IRAG1: variants seen among roughly 807,000 people sequenced by gnomAD.
IRAG1 encodes IP3R-associated cGMP kinase substrate.
A neutral mutation model predicts 106.2 loss-of-function variants in IRAG1; 62 were observed. The observed-to-expected ratio is 0.58, with a 90% CI of 0.48 to 0.72. The LOEUF is 0.72. Ranked by LOEUF, IRAG1 falls within the 30% of genes least tolerant of loss-of-function variation. IRAG1 has a pLI of 0.00. For missense variants in IRAG1, 1,064 were observed against 1,140.7 expected (o/e 0.93, Z 0.97); for synonymous variants, 462 against 443.9 (o/e 1.04, Z -0.51).
intron 4 of IRAG1, 130 bp from the exon 5 acceptor site, chr11:10,629,841 G>A (rs1856551905): frequency 2.2e-6 from 2 of 920,308 alleles, no homozygotes; most frequent in African/African-American, 1.7e-5. Context: ...TCAGCCCAGT[G>A]CCATCAAGAG....
chr11:10,688,996 G>A (rs1861864167), intron 1 of IRAG1, among the ~76,000 whole-genome samples: 2 of 152,178 alleles, frequency 1.3e-5, no homozygotes, highest in African/African-American at 4.8e-5. Flanking sequence ...ATGAGCGACT[G>A]CAGGTAAAGC....
intron 10 of IRAG1, among the ~76,000 whole-genome samples, chr11:10,622,233 G>A (rs1855886678): frequency 6.6e-6 from 1 of 152,192 alleles, no homozygotes; most frequent in Non-Finnish European, 1.5e-5. Context: ...CTAACCCACT[G>A]CTTTAAGGAA....
intron 3 of IRAG1, among the ~76,000 whole-genome samples, chr11:10,633,225 C>T (rs937400067): frequency 2.0e-5 from 3 of 151,956 alleles, no homozygotes; most frequent in African/African-American, 7.3e-5. Context: ...CAGGCGCCCG[C>T]CACCACACCC....
intron 13 of IRAG1, among the ~76,000 whole-genome samples, chr11:10,603,471 G>A (rs1488236501): frequency 1.3e-5 from 2 of 152,098 alleles, no homozygotes; most frequent in African/African-American, 4.8e-5. Flanking sequence ...TTTACAATAG[G>A]GTTCGTGACC....
intron 19 of IRAG1, among the ~76,000 whole-genome samples, chr11:10,581,618 G>A (rs1851404034): frequency 6.6e-6 from 1 of 151,890 alleles, no homozygotes; most frequent in South Asian, 2.1e-4. Context: ...CTGAGCGGTG[G>A]CATTCTGGTG....
intron 10 of IRAG1, among the ~76,000 whole-genome samples, chr11:10,621,582 G>A (rs1333186793): frequency 3.9e-5 from 6 of 152,138 alleles, no homozygotes; most frequent in African/African-American, 1.4e-4. Context: ...ATGTTGTGCA[G>A]CTTAAAAAAA....
Position 10,604,545 on chromosome 11 carries a change from T to C in IRAG1, c.1603A>G (p.Asn535Asp). 1 of 1,614,004 alleles carries C rather than the reference T, an allele frequency of 6.2e-7. No homozygotes were observed. ...APPLTEKEVE[N>D]VFVQLSLAFR... ...GCCAAGGACAGTTGCACAAACACGT[T>C]CTGTTGGGAACAAGGGTGTGAGAGA... Residue 535 changes from asparagine to aspartate, a missense_variant and splice_region_variant, in exon 13 of 21, where the codon AAC becomes GAC. Asn to Asp is a conservative substitution (Grantham distance 23). Transcript: ENST00000423302.
chr11:10,693,550 T>C lies in IRAG1; in HGVS notation c.53A>G (p.Asn18Ser). The part of the protein sequence containing the change: ...EERLARGGKE[N>S]NSVLACGAQA... ...GGGAGGCTTACCTAAAACTGAGTTA[T>C]TCTCCTTTCCTCCTCTGGCCAGCCT... The change falls in exon 1 of 21, where the codon AAT becomes AGT. Residue 18 changes from asparagine to serine, a missense_variant. Coordinates refer to ENST00000423302, the MANE Select transcript of IRAG1 (RefSeq NM_130385.4). 1 of 1,535,632 alleles carries C rather than the reference T, an allele frequency of 6.5e-7. No individual in the cohort carries two copies. Among genetic ancestry groups the C allele is most frequent in the African/African-American group, 1.4e-5 (1 of 73,182 alleles).
intron 20 of IRAG1, among the ~76,000 whole-genome samples, chr11:10,577,473 G>A (rs1350938657): frequency 6.6e-6 from 1 of 152,076 alleles, no homozygotes; most frequent in East Asian, 1.9e-4. Context: ...CTCTGAAGAA[G>A]CCCTGAGCCC....
chr11:10,634,029 T>C lies in IRAG1; in HGVS notation c.268A>G (p.Ile90Val). The C allele has an allele frequency of 6.2e-7, 1 of 1,612,456 alleles. No homozygotes were observed. Among genetic ancestry groups the C allele is most frequent in the Non-Finnish European group, 8.5e-7 (1 of 1,179,194 alleles). The change falls in exon 3 of 21, where the codon ATT becomes GTT. Residue 90 changes from isoleucine (I) to valine (V), a missense_variant. Ile to Val is a conservative substitution (Grantham distance 29, BLOSUM62 3). Transcript: ENST00000423302. Reference sequence around the variant, plus strand: ...GAAGTGGCATCCCCAGTCAGGACAATCGTGGGAGTTGGACTGCAAGATACT... The same window carrying C: ...GAAGTGGCATCCCCAGTCAGGACAACCGTGGGAGTTGGACTGCAAGATACT... ...AGVSCSPTPT[I>V]VLTGDATSPE... is the part of the protein sequence containing the mutation.
intron 1 of IRAG1, among the ~76,000 whole-genome samples, chr11:10,680,999 A>G (rs931250105): frequency 6.6e-6 from 1 of 152,092 alleles, no homozygotes; most frequent in African/African-American, 2.4e-5. Flanking sequence ...GTGGGAGGAG[A>G]AAGTGCTATG....
intron 10 of IRAG1, among the ~76,000 whole-genome samples, chr11:10,613,276 A>C (rs1305941582): frequency 6.6e-6 from 1 of 152,028 alleles, no homozygotes. Context: ...AAAAAAAAAA[A>C]AACCCAGACA....
intron 1 of IRAG1, among the ~76,000 whole-genome samples, chr11:10,660,776 C>T (rs1372100227): frequency 1.3e-5 from 2 of 152,194 alleles, no homozygotes; most frequent in East Asian, 3.9e-4. Flanking sequence ...TCCTCCTGTG[C>T]CCCAGAGAAT....
intron 10 of IRAG1, among the ~76,000 whole-genome samples, chr11:10,614,877 T>A (rs1253934056): frequency 6.6e-6 from 1 of 152,214 alleles, no homozygotes; most frequent in Non-Finnish European, 1.5e-5. Flanking sequence ...GACATAGGCA[T>A]GGGCAAGGAC....
At chr11:10,649,795 G>C (rs1314656731) in intron 2 of IRAG1, among the ~76,000 whole-genome samples, 1 of 152,138 alleles carries the variant, frequency 6.6e-6, no homozygotes, top group African/African-American at 2.4e-5. Context: ...ATCCCTGATT[G>C]GCTAGTGGGA....
chr11:10,693,524 G>C lies in IRAG1; in HGVS notation c.67+12C>G, dbSNP rs1862226691. 6.5e-7 allele frequency: 1 copy of C among 1,535,436 alleles called. No homozygotes were observed. The highest frequency in any genetic ancestry group is 8.7e-7 in the Non-Finnish European group (1 of 1,146,840). ...AAGAGGCAGGTTATTCTAGGATATA[G>C]GGGAGGCTTACCTAAAACTGAGTTA... On this transcript the variant is annotated intron_variant, in intron 1 of 20. Coordinates refer to ENST00000423302, the MANE Select transcript of IRAG1 (RefSeq NM_130385.4).
intron 15 of IRAG1, 53 bp downstream of exon 15, chr11:10,600,865 T>A: frequency 6.2e-7 from 1 of 1,609,158 alleles, no homozygotes; most frequent in South Asian, 1.1e-5. Flanking sequence ...AGCCAAGAGC[T>A]CTTGGAAGTC....
rs1851433587 is a variant in IRAG1 at position 10,581,935 on chromosome 11, G to A, written c.2292C>T (p.Thr764=). Residue 764 remains threonine (T), a synonymous_variant, in exon 19 of 21, where the codon ACC becomes ACT. Transcript: ENST00000423302. ...GACTAAGCTCCTCCAGGCAGCTCAGGGTCAGCGCAGGAGCAGAGGCTTCAC... is the reference window on the plus strand; with the variant it reads ...GACTAAGCTCCTCCAGGCAGCTCAGAGTCAGCGCAGGAGCAGAGGCTTCAC... ...PDCEASAPAL[T]LSCLEELSQE... The A allele has an allele frequency of 6.2e-7, 1 of 1,613,746 alleles. No homozygotes were observed. The highest frequency in any genetic ancestry group is 1.3e-5 in the African/African-American group (1 of 74,894).
chr11:10,629,732 G>A (rs779844846), intron 4 of IRAG1, 21 bp from the exon 5 acceptor site: 5 of 1,608,838 alleles, frequency 3.1e-6, no homozygotes, highest in Admixed American at 1.7e-5. Context: ...AGGATGAGCT[G>A]GGGTGAGAGC....
Sources: gnomAD v4.1 joint callset for allele counts (sites outside exome capture counted in the v4.1 genomes callset) on GRCh38, gnomAD v4.1.1 for gene constraint, MANE v1.5 for transcripts, NCBI Gene and HGNC (gene_info 2026-07-23, HGNC 2026-07-21) for gene names.